The following CAP2 variants were observed in gnomAD, a reference collection of about 807,000 sequenced individuals.
The protein encoded by CAP2 is adenylyl cyclase-associated protein 2.
CAP2 carries 24 observed loss-of-function variants against 57.7 expected under a neutral mutation model. The observed-to-expected ratio is 0.42, with a 90% CI of 0.30 to 0.58. The LOEUF is 0.58. Ranked by LOEUF, CAP2 falls within the 20% of genes least tolerant of loss-of-function variation. The pLI is 0.22. For missense variants in CAP2, 501 were observed against 590.3 expected (o/e 0.85, Z 1.57); for synonymous variants, 194 against 207.2 (o/e 0.94, Z 0.55).
Position 17,513,933 on chromosome 6 carries a change from G to A in CAP2, c.615G>A (p.Thr205=), listed in dbSNP as rs771675524. Reference sequence around the variant, plus strand: ...CATACATCAAGGAACACCACACCACGGGCCTCACATGGAGCAAAACAGTGA... The same window carrying A: ...CATACATCAAGGAACACCACACCACAGGCCTCACATGGAGCAAAACAGTGA... The part of the protein sequence containing the change: ...LQAYIKEHHT[T]GLTWSKTGPV... The change falls in exon 7 of 13, where the codon ACG becomes ACA. Residue 205 remains threonine, a synonymous_variant. Coordinates refer to ENST00000229922, the MANE Select transcript of CAP2 (RefSeq NM_006366.3). The surrounding 1 kb of genome is among the most constrained non-coding windows in gnomAD (Gnocchi z 4.3). The A allele has an allele frequency of 3.7e-6, 6 of 1,612,092 alleles. No individual in the cohort carries two copies. Among genetic ancestry groups the A allele is most frequent in the South Asian group, 1.1e-5 (1 of 91,030 alleles).
chr6:17,542,898 A>G lies in CAP2; in HGVS notation c.1064A>G (p.Tyr355Cys), dbSNP rs745419382. The G allele has an allele frequency of 3.7e-6, 6 of 1,613,160 alleles. No individual in the cohort carries two copies. Among genetic ancestry groups the G allele is most frequent in the Non-Finnish European group, 5.1e-6 (6 of 1,179,068 alleles). ...ISETELKQVA[Y>C]IFKCEKSTIQ... The stretch of plus-strand genomic sequence containing the variant: ...GAGACTGAGCTGAAACAAGTGGCTT[A>G]CATTTTCAAATGCGAAAAATCAACT... The change falls in exon 10 of 13, where the codon TAC becomes TGC. Residue 355 changes from tyrosine (Y) to cysteine (C), a missense_variant. By Grantham distance (194) the Tyr-to-Cys change is radical. Transcript: ENST00000229922.
At chr6:17,490,157 C>G (rs1761511513) in intron 4 of CAP2, among the ~76,000 whole-genome samples, 1 of 152,212 alleles carries the variant, frequency 6.6e-6, no homozygotes, top group African/African-American at 2.4e-5. Flanking sequence ...TGGAATGCAG[C>G]TGCAGTGCAA....
At chr6:17,393,790 G>T in intron 1 of CAP2, 44 bp downstream of exon 1, 1 of 152,964 alleles carries the variant, frequency 6.5e-6, no homozygotes, top group South Asian at 1.9e-4. Context: ...GGGAGGGGTC[G>T]GGGTGCAGGT....
rs193214195 is a variant in CAP2, at chr6:17,465,355, C to T, written c.300+2282C>T. On this transcript the variant is annotated intron_variant, in intron 4 of 12. Coordinates refer to ENST00000229922, the MANE Select transcript of CAP2 (RefSeq NM_006366.3). ...CAGGCATGAACCGCTGTGCCTGGCT[C>T]TATTGAATTCTTGATAAAGGGGAGG... Among the ~76,000 whole-genome samples the T allele has an allele frequency of 3.2e-4, 48 of 152,180 alleles. No homozygotes were observed. The East Asian group carries it at 8.9e-3, about 28-fold the overall frequency.
intron 7 of CAP2, among the ~76,000 whole-genome samples, chr6:17,518,692 C>T (rs1219950010): frequency 6.6e-6 from 1 of 151,960 alleles, no homozygotes; most frequent in Non-Finnish European, 1.5e-5. Context: ...GGCTGGAATG[C>T]AGTGGCACAA....
Position 17,556,395 on chromosome 6 carries a change from T to C in CAP2, c.1387T>C (p.Trp463Arg). 1.9e-6 allele frequency: 3 copies of C among 1,614,024 alleles called. No homozygotes were observed. Among genetic ancestry groups the C allele is most frequent in the Non-Finnish European group, 2.5e-6 (3 of 1,179,856 alleles). The part of the protein sequence containing the change: ...FPIPEQFKTA[W>R]DGSKLITEPA... ...CATTCCTGAACAGTTCAAGACAGCA[T>C]GGGATGGATCCAAGTTAATCACTGA... is the stretch of plus-strand genomic sequence containing the variant. Residue 463 changes from tryptophan (W) to arginine (R), a missense_variant, in exon 13 of 13, where the codon TGG (tryptophan) becomes CGG (arginine). Coordinates refer to ENST00000229922, the MANE Select transcript of CAP2 (RefSeq NM_006366.3).
intron 7 of CAP2, chr6:17,531,292 T>C: frequency 1.1e-6 from 1 of 917,420 alleles, no homozygotes; most frequent in Non-Finnish European, 1.8e-6. Flanking sequence ...CTGTTGAAGA[T>C]TTGACGAAGG....
At chr6:17,497,065 A>G (rs1253838736) in intron 4 of CAP2, among the ~76,000 whole-genome samples, 4 of 152,256 alleles carry the variant, frequency 2.6e-5, no homozygotes. Context: ...GTCAATGCAC[A>G]TCAAATGTTG....
intron 3 of CAP2, among the ~76,000 whole-genome samples, chr6:17,458,288 G>C (rs1760629714): frequency 6.6e-6 from 1 of 152,170 alleles, no homozygotes; most frequent in African/African-American, 2.4e-5. Context: ...AGGATAAAGA[G>C]AAAGAAGATG....
intron 1 of CAP2, among the ~76,000 whole-genome samples, chr6:17,399,355 G>C (rs981677357): frequency 6.6e-6 from 1 of 152,148 alleles, no homozygotes; most frequent in Non-Finnish European, 1.5e-5. Flanking sequence ...GAGCCACCAC[G>C]CCCGGCCTAC....
intron 1 of CAP2, among the ~76,000 whole-genome samples, chr6:17,405,498 GTCTCTCTC>G (rs57158664): frequency 0.25 from 37,717 of 148,384 alleles, 4,853 homozygotes; most frequent in South Asian, 0.35. Flanking sequence ...TGAATGTGGA[GTCTCTCTC>G]TCTCTCTCTC....
At chr6:17,402,324 C>T (rs1238460373) in intron 1 of CAP2, among the ~76,000 whole-genome samples, 4 of 152,064 alleles carry the variant, frequency 2.6e-5, no homozygotes, top group Admixed American at 6.6e-5. Flanking sequence ...AATTGCTTTG[C>T]CCAAGGATGT....
intron 4 of CAP2, among the ~76,000 whole-genome samples, chr6:17,491,654 C>G (rs1314450275): frequency 6.6e-6 from 1 of 152,058 alleles, no homozygotes; most frequent in African/African-American, 2.4e-5. Flanking sequence ...TTTGTTTTGC[C>G]TAAGAGTATT....
chr6:17,446,983 ATATTG>A (rs1760273559), intron 3 of CAP2, among the ~76,000 whole-genome samples: 1 of 152,110 alleles, frequency 6.6e-6, no homozygotes. Context: ...AGGTGAGTTA[ATATTG>A]GGTGGACCTG....
chr6:17,398,998 C>G (rs1758741604), intron 1 of CAP2, among the ~76,000 whole-genome samples: 1 of 152,200 alleles, frequency 6.6e-6, no homozygotes, highest in Admixed American at 6.5e-5. Flanking sequence ...AACCACCATT[C>G]TACTTTCTGT....
intron 1 of CAP2, among the ~76,000 whole-genome samples, chr6:17,416,286 G>A (rs1759273573): frequency 6.6e-6 from 1 of 152,086 alleles, no homozygotes; most frequent in Admixed American, 6.6e-5. Flanking sequence ...TCTTCTAGAT[G>A]ACTGCTTGAC....
intron 11 of CAP2, among the ~76,000 whole-genome samples, chr6:17,543,347 G>A (rs558126743): frequency 6.6e-6 from 1 of 152,180 alleles, no homozygotes. Flanking sequence ...GCCAGTCGCG[G>A]TGGCTCACGC....
intron 3 of CAP2, among the ~76,000 whole-genome samples, chr6:17,457,627 A>G (rs891181522): frequency 1.6e-4 from 24 of 152,218 alleles, no homozygotes; most frequent in African/African-American, 4.6e-4. Flanking sequence ...CATAAGCAAA[A>G]TGGAAGGGAG....
rs1470107443 is a variant in CAP2, at chr6:17,557,283, G to A, written c.*841G>A. 1 of 151,962 alleles carries A rather than the reference G, an allele frequency of 6.6e-6. No homozygotes were observed. The highest frequency in any genetic ancestry group is 2.4e-5 in the African/African-American group (1 of 41,344). 9.4% of individuals were successfully genotyped at this position (151,962 alleles called of 1,614,324 possible). A position where few individuals can be genotyped will look rare whatever the true frequency, so the allele number is the denominator to read the frequency against. On this transcript the variant is annotated 3_prime_UTR_variant, in exon 13 of 13. Transcript: ENST00000229922. The stretch of plus-strand genomic sequence containing the variant: ...ATGCCTTGTAAATTATGTCTTTAAC[G>A]TTTTCTTATAGACTAATTTCCTCTT...
Sources: allele counts gnomAD v4.1 joint callset (sites outside exome capture counted in the v4.1 genomes callset), GRCh38; gene constraint gnomAD v4.1.1; non-coding constraint Gnocchi (gnomAD v3.1); transcripts MANE v1.5; gene names NCBI Gene and HGNC (gene_info 2026-07-23, HGNC 2026-07-21).